DZIP3: variants seen among roughly 807,000 people sequenced by gnomAD.
The protein encoded by DZIP3 is DAZ interacting zinc finger protein 3, also known as E3 ubiquitin-protein ligase DZIP3.
DZIP3 carries 118 observed loss-of-function variants against 162.0 expected under a neutral mutation model. The observed-to-expected ratio is 0.73, with a 90% CI of 0.63 to 0.85. The LOEUF is 0.85. DZIP3 is among the 40% of genes least tolerant of loss of function. DZIP3 has a pLI of 0.00. For missense variants in DZIP3, 1,331 were observed against 1,407.0 expected (o/e 0.95, Z 0.86); for synonymous variants, 438 against 458.6 (o/e 0.96, Z 0.57).
At chr3:108,658,337 C>G (rs1025222320) in intron 19 of DZIP3, among the ~76,000 whole-genome samples, 7 of 152,152 alleles carry the variant, frequency 4.6e-5, no homozygotes, top group African/African-American at 1.7e-4. Flanking sequence ...TTAAGAAACT[C>G]ACTCAAAACC....
intron 4 of DZIP3, among the ~76,000 whole-genome samples, chr3:108,614,304 T>C (rs573528369): frequency 7.2e-4 from 110 of 152,356 alleles, no homozygotes; most frequent in Non-Finnish European, 1.2e-3. Context: ...ACTGTAGTCA[T>C]TGAAGATAAT....
intron 10 of DZIP3, among the ~76,000 whole-genome samples, chr3:108,636,009 A>T (rs1400695524): frequency 6.6e-6 from 1 of 151,936 alleles, no homozygotes; most frequent in Non-Finnish European, 1.5e-5. Context: ...CTCTGAAGTA[A>T]GGATAAGATA....
At chr3:108,597,871 T>G (rs1425033601) in intron 1 of DZIP3, among the ~76,000 whole-genome samples, 2 of 152,236 alleles carry the variant, frequency 1.3e-5, no homozygotes, top group African/African-American at 4.8e-5. Context: ...TCAGATCTTT[T>G]ACTGTTTTAG....
chr3:108,645,321 GTT>G (rs34017271), intron 14 of DZIP3, among the ~76,000 whole-genome samples: 2 of 152,148 alleles, frequency 1.3e-5, no homozygotes, highest in Non-Finnish European at 2.9e-5. Flanking sequence ...GTACTGTGTG[GTT>G]TCAAAGATGT....
At chr3:108,684,511 A>G (rs1576471305) in intron 27 of DZIP3, among the ~76,000 whole-genome samples, 170 bp downstream of exon 27, 1 of 152,118 alleles carries the variant, frequency 6.6e-6, no homozygotes, top group Admixed American at 6.6e-5. Context: ...GGTGTTACAT[A>G]TATTATTTAA....
chr3:108,684,334 C>G lies in DZIP3; in HGVS notation c.3002C>G (p.Ala1001Gly), dbSNP rs866074065. The stretch of plus-strand genomic sequence containing the variant: ...GTCTCTGCAACTGGCCAACCTAGAG[C>G]CCCCCTGGTAAAAGCTTTCTTGGTG... ...GVVSATGQPR[A>G]PLMTGIAWAL... Residue 1001 changes from alanine (A) to glycine (G), a missense_variant, in exon 27 of 33, where the codon GCC (alanine) becomes GGC (glycine). By Grantham distance (60) the Ala-to-Gly change is moderately conservative (BLOSUM62 0). This residue lies in a region of DZIP3 where 1,278 missense variants were observed against 1,317.1 expected (regional missense o/e 0.97). Coordinates refer to ENST00000361582, the MANE Select transcript of DZIP3 (RefSeq NM_014648.4). 1.2e-6 allele frequency: 2 copies of G among 1,609,770 alleles called. No homozygotes were observed. Among genetic ancestry groups the G allele is most frequent in the Admixed American group, 1.7e-5 (1 of 59,258 alleles).
chr3:108,661,947 T>TTA lies in DZIP3; in HGVS notation c.2271_2272insAT (p.Tyr758IlefsTer15). ...GAAAGGCTTGCTCGTCAAAGGCAGC[T>TTA]TTATAAATTGCACTATCAGTGTGAA... On this transcript the variant is annotated frameshift_variant, in exon 20 of 33. Coordinates refer to ENST00000361582, the MANE Select transcript of DZIP3 (RefSeq NM_014648.4). LOFTEE classifies it high-confidence loss of function. 6.2e-7 allele frequency: 1 copy of TTA among 1,613,946 alleles called. No homozygotes were observed. Among genetic ancestry groups the TTA allele is most frequent in the Non-Finnish European group, 8.5e-7 (1 of 1,179,872 alleles).
chr3:108,644,649 A>T lies in DZIP3; in HGVS notation c.1627A>T (p.Met543Leu), dbSNP rs146975894. Reference protein sequence around the residue: ...VSDILLRLGMMQEDIDKVKEN... With the variant: ...VSDILLRLGMLQEDIDKVKEN... Reference sequence around the variant, plus strand: ...AGATATTCTTCTGCGCCTTGGGATGATGCAAGAGGATATTGACAAAGTGAA... The same window carrying T: ...AGATATTCTTCTGCGCCTTGGGATGTTGCAAGAGGATATTGACAAAGTGAA... Residue 543 changes from methionine (M) to leucine (L), a missense_variant, in exon 14 of 33, where the codon ATG becomes TTG. Around this residue, in one of 2 missense-constraint regions of DZIP3, gnomAD observed 1,278 missense variants for 1,317.1 expected, o/e 0.97. Coordinates refer to ENST00000361582, the MANE Select transcript of DZIP3 (RefSeq NM_014648.4). 5 of 1,613,954 alleles carry T rather than the reference A, an allele frequency of 3.1e-6. No individual in the cohort carries two copies. Among genetic ancestry groups the T allele is most frequent in the African/African-American group, 2.7e-5 (2 of 74,944 alleles).
At chr3:108,663,113 G>C (rs192456258) in intron 21 of DZIP3, among the ~76,000 whole-genome samples, 4 of 152,314 alleles carry the variant, frequency 2.6e-5, no homozygotes, top group Admixed American at 2.6e-4. Flanking sequence ...TTATCAGGAA[G>C]AACTAGGTGC....
At chr3:108,609,300 C>A (rs965766802) in intron 3 of DZIP3, among the ~76,000 whole-genome samples, 1 of 152,078 alleles carries the variant, frequency 6.6e-6, no homozygotes, top group Non-Finnish European at 1.5e-5. Flanking sequence ...TATTCACCTG[C>A]ATGAGGTTAT....
chr3:108,670,254 T>C (rs1943878239), intron 22 of DZIP3, among the ~76,000 whole-genome samples: 1 of 151,928 alleles, frequency 6.6e-6, no homozygotes, highest in Admixed American at 6.6e-5. Context: ...TCCAGAACAT[T>C]TTTATCACTC....
chr3:108,646,650 G>A lies in DZIP3; in HGVS notation c.1792+1G>A, dbSNP rs142229557. ...CTACAGTCAATAACAGGCAGTCAGC[G>A]TAAGTATATTTAGAAATAAAATGTG... On this transcript the variant is annotated splice_donor_variant, in intron 15 of 32. Transcript: ENST00000361582. LOFTEE classifies it high-confidence loss of function. 176 of 1,552,276 alleles carry A rather than the reference G, an allele frequency of 1.1e-4. No individual in the cohort carries two copies. Among genetic ancestry groups the A allele is most frequent in the Non-Finnish European group, 1.4e-4 (161 of 1,152,006 alleles).
At chr3:108,629,349 A>G (rs960410816) in intron 8 of DZIP3, among the ~76,000 whole-genome samples, 173 bp downstream of exon 8, 3 of 152,210 alleles carry the variant, frequency 2.0e-5, no homozygotes, top group African/African-American at 7.2e-5. Context: ...GGGAGAAGTG[A>G]GGTGGCAGTG....
intron 1 of DZIP3, among the ~76,000 whole-genome samples, chr3:108,597,134 C>A (rs909663035): frequency 1.3e-4 from 20 of 152,148 alleles, no homozygotes; most frequent in Non-Finnish European, 2.6e-4. Context: ...AAAATTAATT[C>A]TCCTTTTACA....
chr3:108,660,384 G>T (rs1245139236), intron 19 of DZIP3, among the ~76,000 whole-genome samples: 3 of 152,126 alleles, frequency 2.0e-5, no homozygotes, highest in Non-Finnish European at 4.4e-5. Context: ...AACAGAAATT[G>T]GGAAAGGATT....
At chr3:108,672,053 A>G (rs921906147) in intron 22 of DZIP3, among the ~76,000 whole-genome samples, 5 of 151,980 alleles carry the variant, frequency 3.3e-5, no homozygotes, top group African/African-American at 9.7e-5. Flanking sequence ...CCTCATAGAC[A>G]GCCGTCTTCC....
Position 108,644,770 on chromosome 3 carries a change from G to A in DZIP3, c.1748G>A (p.Cys583Tyr). 1.9e-6 allele frequency: 3 copies of A among 1,599,436 alleles called. No homozygotes were observed. The highest frequency in any genetic ancestry group is 2.6e-6 in the Non-Finnish European group (3 of 1,175,248). Residue 583 changes from cysteine (C) to tyrosine (Y), a missense_variant, in exon 14 of 33, where the codon TGC (cysteine) becomes TAC (tyrosine). Around this residue, in one of 2 missense-constraint regions of DZIP3, gnomAD observed 1,278 missense variants for 1,317.1 expected, o/e 0.97. Transcript: ENST00000361582. ...VPEIIQRMLS[C>Y]YQQGIALQSI... ...GAAATCATACAGAGGATGTTATCCT[G>A]CTATCAACAAGGTACTAAATGATTA...
At chr3:108,683,780 G>A (rs900645835) in intron 26 of DZIP3, among the ~76,000 whole-genome samples, 1 of 152,080 alleles carries the variant, frequency 6.6e-6, no homozygotes. Flanking sequence ...ATAACTTTGG[G>A]TTGTTCTGTG....
intron 26 of DZIP3, among the ~76,000 whole-genome samples, chr3:108,681,946 G>A (rs1366607203): frequency 6.8e-6 from 1 of 147,324 alleles, no homozygotes; most frequent in Non-Finnish European, 1.5e-5. Context: ...GGGGGCTGGG[G>A]AGGGATAGCA....
Sources: allele counts gnomAD v4.1 joint callset (sites outside exome capture counted in the v4.1 genomes callset), GRCh38; gene constraint gnomAD v4.1.1; regional missense constraint gnomAD v4.1.1; transcripts MANE v1.5; gene names NCBI Gene and HGNC (gene_info 2026-07-23, HGNC 2026-07-21).